Variants in SLC29A3 observed in about 807,000 individuals in gnomAD.
SLC29A3 encodes the protein equilibrative nucleoside transporter 3.
Under a neutral mutation model 25.4 loss-of-function variants are expected in SLC29A3, and 18 were observed. The ratio of observed to expected loss-of-function variants is 0.71; its 90% CI spans 0.49 to 1.05. The LOEUF is 1.05. Among genes scored for constraint, SLC29A3 ranks in the 50% least tolerant of loss-of-function variants. The pLI, the probability that SLC29A3 is intolerant of heterozygous loss-of-function variation, is 0.00. For missense variants in SLC29A3, 586 were observed against 609.0 expected, an observed-to-expected ratio of 0.96 and a Z score of 0.40; for synonymous variants, 258 against 267.1, an observed-to-expected ratio of 0.97 and a Z score of 0.33.
In SLC29A3 at chr10:71,351,753, C is replaced by T. The variant is rs1375512127; in HGVS notation, c.575C>T (p.Ser192Phe). The change falls in exon 4 of 6, where the codon TCC becomes TTC. Residue 192 changes from serine (S) to phenylalanine (F), a missense_variant. Coordinates refer to ENST00000373189, the MANE Select transcript of SLC29A3 (RefSeq NM_018344.6). ...AGCAGCATCTACGGCATGACCGGCT[C>T]CTTTCCTATGAGGAACTCCCAGGCA... ...FSSSIYGMTG[S>F]FPMRNSQALI... The T allele has an allele frequency of 1.1e-5, 17 of 1,613,764 alleles. No homozygotes were observed. The highest frequency in any genetic ancestry group is 2.2e-5 in the East Asian group (1 of 44,892).
rs1408145144 is a variant in SLC29A3 at position 71,362,158 on chromosome 10, C to G, written c.978C>G (p.Ile326Met). The G allele has an allele frequency of 1.9e-6, 3 of 1,614,158 alleles. No homozygotes were observed. The highest frequency in any genetic ancestry group is 2.5e-6 in the Non-Finnish European group (3 of 1,180,018). Residue 326 changes from isoleucine to methionine, a missense_variant, in exon 6 of 6, where the codon ATC becomes ATG. Physicochemically the swap from Ile to Met is conservative, Grantham distance 10 (BLOSUM62 1). Transcript: ENST00000373189. The stretch of plus-strand genomic sequence containing the variant: ...TCACCAGCCTCATCTACCCCGCCAT[C>G]TGCACCAACATCGAGTCCCTCAACA... ...FFITSLIYPA[I>M]CTNIESLNKG...
chr10:71,365,692 C>CGA (rs1463828778), downstream of SLC29A3: 5 of 152,062 alleles, frequency 3.3e-5, no homozygotes, highest in Admixed American at 2.6e-4. Context: ...AATCCATCTC[C>CGA]AGGCAGAAGG....
At chr10:71,333,851 TCCCTGTTTCTCTGA>T (rs1014553577) in intron 2 of SLC29A3, among the ~76,000 whole-genome samples, 3 of 152,216 alleles carry the variant, frequency 2.0e-5, no homozygotes, top group African/African-American at 7.2e-5. Flanking sequence ...TCCGTGAGGT[TCCCTGTTTCTCTGA>T]CCCCTTGGTT....
At chr10:71,343,220 C>G (rs1310139056) in intron 2 of SLC29A3, among the ~76,000 whole-genome samples, 1 of 152,200 alleles carries the variant, frequency 6.6e-6, no homozygotes, top group Non-Finnish European at 1.5e-5. Context: ...CCCACCTTGG[C>G]CTCCCAAAAT....
intron 3 of SLC29A3, among the ~76,000 whole-genome samples, chr10:71,350,484 T>C (rs183294937): frequency 4.5e-4 from 68 of 152,306 alleles, no homozygotes; most frequent in African/African-American, 1.5e-3. Flanking sequence ...CTTAGTCTAA[T>C]CTGATGATTT....
intron 3 of SLC29A3, 73 bp downstream of exon 3, chr10:71,344,364 G>C: frequency 8.2e-7 from 1 of 1,216,276 alleles, no homozygotes; most frequent in Middle Eastern, 1.9e-4. Context: ...CTTGCCTGCA[G>C]CTGCTTTTTT....
chr10:71,362,572 C>T lies in SLC29A3; in HGVS notation c.1392C>T (p.Gly464=). 1 of 1,614,178 alleles carries T rather than the reference C, an allele frequency of 6.2e-7. No individual in the cohort carries two copies. Among genetic ancestry groups the T allele is most frequent in the Non-Finnish European group, 8.5e-7 (1 of 1,180,046 alleles). ...SFYVCLGLTL[G]SACSTLLVHL... ...ATGTGTGCTTGGGCTTAACACTGGG[C>T]TCAGCCTGCTCTACCCTCCTGGTGC... The change falls in exon 6 of 6, where the codon GGC becomes GGT. Residue 464 remains glycine, a synonymous_variant. Coordinates refer to ENST00000373189, the MANE Select transcript of SLC29A3 (RefSeq NM_018344.6).
intron 2 of SLC29A3, among the ~76,000 whole-genome samples, chr10:71,339,929 G>A (rs1846354262): frequency 6.6e-6 from 1 of 152,118 alleles, no homozygotes; most frequent in Non-Finnish European, 1.5e-5. Context: ...GGGCACGCAG[G>A]TGCCACAGCT....
At chr10:71,336,289 A>G (rs1156741852) in intron 2 of SLC29A3, among the ~76,000 whole-genome samples, 1 of 152,148 alleles carries the variant, frequency 6.6e-6, no homozygotes, top group Admixed American at 6.5e-5. Flanking sequence ...CCCTATGTCC[A>G]GATAAGTCAC....
At chr10:71,327,352 A>G (rs765643399) in intron 2 of SLC29A3, among the ~76,000 whole-genome samples, 1 of 152,178 alleles carries the variant, frequency 6.6e-6, no homozygotes, top group South Asian at 2.1e-4. Flanking sequence ...TCCAATAAAT[A>G]TATCACAGGT....
At chr10:71,342,904 C>T (rs1417444065) in intron 2 of SLC29A3, among the ~76,000 whole-genome samples, 2 of 152,184 alleles carry the variant, frequency 1.3e-5, no homozygotes, top group Admixed American at 6.5e-5. Flanking sequence ...TTTCAAAGAC[C>T]ACAAAGCACT....
chr10:71,339,174 C>A (rs1469665669), intron 2 of SLC29A3, among the ~76,000 whole-genome samples: 1 of 152,234 alleles, frequency 6.6e-6, no homozygotes, highest in African/African-American at 2.4e-5. Context: ...GCGATTCCAG[C>A]CCTGCCTCGC....
intron 4 of SLC29A3, 82 bp downstream of exon 4, chr10:71,351,870 C>A: frequency 7.8e-7 from 1 of 1,285,134 alleles, no homozygotes; most frequent in Non-Finnish European, 1.1e-6. Flanking sequence ...CATGTGGTGG[C>A]CTTTTCTGAA....
Position 71,363,199 on chromosome 10 carries a change from T to TCCAGAGGGA in SLC29A3, c.*600_*608dup, listed in dbSNP as rs1198850223. 2.2e-6 allele frequency: 1 copy of TCCAGAGGGA among 452,194 alleles called. No homozygotes were observed. The highest frequency in any genetic ancestry group is 4.4e-6 in the Non-Finnish European group (1 of 226,092). The allele number at this position is 452,194 out of a possible 1,614,324, so 28.0% of individuals were successfully genotyped here. On this transcript the variant is annotated 3_prime_UTR_variant, in exon 6 of 6. Transcript: ENST00000373189. ...GATGGGCCTTCCATGAATGCTTCAT[T>TCCAGAGGGA]CCAGAGGGACCAGAGGGCCTCCCTG...
At chr10:71,346,862 G>A (rs936213024) in intron 3 of SLC29A3, among the ~76,000 whole-genome samples, 3 of 152,196 alleles carry the variant, frequency 2.0e-5, no homozygotes, top group Admixed American at 1.3e-4. Context: ...GATTCAGGCT[G>A]CTGCGATGGA....
chr10:71,323,093 ACAGAGG>A lies in SLC29A3; in HGVS notation c.300+41_300+46del, dbSNP rs754712826. 9.9e-6 allele frequency: 16 copies of A among 1,609,936 alleles called. No homozygotes were observed. In the South Asian group the frequency reaches 1.5e-4, roughly 15 times the overall value. ...TCTCCTGCAAGGCTGGTGGGAGCAT[ACAGAGG>A]CCTCATGCCTCACATGCAGGGGAAG... is the stretch of plus-strand genomic sequence containing the variant. On this transcript the variant is annotated intron_variant, in intron 2 of 5. Coordinates refer to ENST00000373189, the MANE Select transcript of SLC29A3 (RefSeq NM_018344.6).
intron 3 of SLC29A3, among the ~76,000 whole-genome samples, chr10:71,368,841 C>T (rs143289238): frequency 1.2e-3 from 179 of 152,318 alleles, no homozygotes; most frequent in East Asian, 7.5e-3. Flanking sequence ...TCCATTTTCT[C>T]ATCTGAACAC....
In SLC29A3 at chr10:71,322,834, A is replaced by T. The variant is rs1002400369; in HGVS notation, c.80A>T (p.Asp27Val). ...ACCACAAGCAGCAGTCTCCGAGCTG[A>T]CCAGGAGGCACTGCTTGAGAAGCTG... ...YRTTSSSLRA[D>V]QEALLEKLLD... The change falls in exon 2 of 6, where the codon GAC becomes GTC. Residue 27 changes from aspartate to valine, a missense_variant. Coordinates refer to ENST00000373189, the MANE Select transcript of SLC29A3 (RefSeq NM_018344.6). 1.9e-6 allele frequency: 3 copies of T among 1,614,060 alleles called. No homozygotes were observed. The highest frequency in any genetic ancestry group is 2.5e-6 in the Non-Finnish European group (3 of 1,180,048).
chr10:71,344,134 C>T, intron 2 of SLC29A3, 75 bp from the exon 3 acceptor site: 2 of 1,188,616 alleles, frequency 1.7e-6, no homozygotes, highest in Non-Finnish European at 2.5e-6. Flanking sequence ...GAGAGGGGCC[C>T]TGTCTCTGCT....
Sources: allele counts gnomAD v4.1 joint callset (sites outside exome capture counted in the v4.1 genomes callset), GRCh38; gene constraint gnomAD v4.1.1; transcripts MANE v1.5; gene names NCBI Gene and HGNC (gene_info 2026-07-23, HGNC 2026-07-21).